Variants in LMBR1L observed in about 807,000 individuals in gnomAD.
LMBR1L encodes the protein protein LMBR1L.
Under a neutral mutation model 67.3 loss-of-function variants are expected in LMBR1L, and 47 were observed. The ratio of observed to expected loss-of-function variants is 0.70; its 90% CI spans 0.55 to 0.89. The LOEUF (loss-of-function observed/expected upper bound fraction) is 0.89. Among genes scored for constraint, LMBR1L ranks in the 40% least tolerant of loss-of-function variants. The pLI is 0.00. For missense variants in LMBR1L, 533 were observed against 599.2 expected, an observed-to-expected ratio of 0.89 and a Z score of 1.15; for synonymous variants, 247 against 250.3, an observed-to-expected ratio of 0.99 and a Z score of 0.13.
Position 49,110,820 on chromosome 12 carries a change from T to C in LMBR1L, c.-265A>G, listed in dbSNP as rs573303452. The C allele has an allele frequency of 1.8e-5, 9 of 490,138 alleles. No individual in the cohort carries two copies. Among genetic ancestry groups the C allele is most frequent in the East Asian group, 3.6e-5 (1 of 27,980 alleles). The allele number at this position is 490,138 out of a possible 1,614,324, so 30.4% of individuals were successfully genotyped here. A position where few individuals can be genotyped will look rare whatever the true frequency, so the allele number is the denominator to read the frequency against. On this transcript the variant is annotated 5_prime_UTR_variant, in exon 1 of 17. Transcript: ENST00000267102. ...AGGTCGGGTCGCGCTCACGTTTCAA[T>C]GCAAACACCCGCCACTAGGCTCGCT...
In LMBR1L at chr12:49,110,258, G is replaced by T. The variant is rs575546484; in HGVS notation, c.72+226C>A. 3 of 595,006 alleles carry T rather than the reference G, an allele frequency of 5.0e-6. No individual in the cohort carries two copies. In the South Asian group the frequency reaches 5.8e-5, roughly 12 times the overall value. 36.9% of individuals were successfully genotyped at this position (595,006 alleles called of 1,614,324 possible). On this transcript the variant is annotated intron_variant, in intron 1 of 16. Transcript: ENST00000267102. ...AGGGAGGGGCAGGGGAGGGGCGTGT[G>T]GGGGAGGAACGGAAACGACGGCCTT...
chr12:49,104,610 ACTGAC>A, intron 4 of LMBR1L, 59 bp from the exon 5 acceptor site: 1 of 1,566,314 alleles, frequency 6.4e-7, no homozygotes, highest in Non-Finnish European at 8.8e-7. Flanking sequence ...CCCACAGGAG[ACTGAC>A]CATTTGCAGG....
At position 49,101,464 on chromosome 12, in the gene LMBR1L, C is replaced by T. The variant is rs376798687; in HGVS notation, c.1008+8G>A. The T allele has an allele frequency of 3.6e-5, 58 of 1,613,546 alleles. No homozygotes were observed. Among genetic ancestry groups the T allele is most frequent in the Non-Finnish European group, 4.7e-5 (55 of 1,179,720 alleles). On this transcript the variant is annotated splice_region_variant and intron_variant, in intron 12 of 16. Coordinates refer to ENST00000267102, the MANE Select transcript of LMBR1L (RefSeq NM_018113.4). The stretch of plus-strand genomic sequence containing the variant: ...CCCAAAGGATATGGTGGGAGGGCAG[C>T]CTGGTACCTGCATGCCTCGGGGCAT...
In LMBR1L at chr12:49,104,900, G is replaced by A. The variant is rs754795680; in HGVS notation, c.192-15C>T. 8 of 1,605,378 alleles carry A rather than the reference G, an allele frequency of 5.0e-6. No homozygotes were observed. Among genetic ancestry groups the A allele is most frequent in the Non-Finnish European group, 6.8e-6 (8 of 1,176,686 alleles). On this transcript the variant is annotated splice_polypyrimidine_tract_variant and intron_variant, in intron 3 of 16. Transcript: ENST00000267102. ...ACAGCTCGAGCCTGGGCAGAGAAGG[G>A]GACAGTGTCCTTGCTTAGCTCAGCA...
intron 1 of LMBR1L, 127 bp downstream of exon 1, chr12:49,110,357 G>T (rs573543433): frequency 2.4e-6 from 2 of 842,262 alleles, no homozygotes; most frequent in Non-Finnish European, 4.0e-6. Flanking sequence ...CTGCCCGGAC[G>T]GAGGCCTCCG....
chr12:49,109,950 C>T (rs567900437), intron 1 of LMBR1L: 153 of 438,076 alleles, frequency 3.5e-4, no homozygotes, highest in Non-Finnish European at 2.3e-5. Context: ...TGTTCCTCAT[C>T]TCTACATATT....
intron 2 of LMBR1L, 55 bp from the exon 3 acceptor site, chr12:49,106,012 G>T: frequency 6.7e-7 from 1 of 1,491,594 alleles, no homozygotes; most frequent in Non-Finnish European, 9.3e-7. Flanking sequence ...GGGCAGCTCT[G>T]AGGCCGTTAG....
At chr12:49,103,855 C>A (rs1167954250) in intron 5 of LMBR1L, 42 bp from the exon 6 acceptor site, 1 of 1,579,160 alleles carries the variant, frequency 6.3e-7, no homozygotes, top group Non-Finnish European at 8.6e-7. Context: ...AACATCAGGG[C>A]AGTGTGGGAA....
chr12:49,107,096 C>A, intron 1 of LMBR1L, 51 bp from the exon 2 acceptor site: 2 of 1,260,750 alleles, frequency 1.6e-6, no homozygotes, highest in Non-Finnish European at 2.3e-6. Context: ...CAGCACACTC[C>A]ACAGCCCCAA....
At chr12:49,105,225 G>C (rs762728577) in intron 3 of LMBR1L, 3 of 283,648 alleles carry the variant, frequency 1.1e-5, no homozygotes, top group Non-Finnish European at 2.0e-5. Flanking sequence ...AGGGGACCTG[G>C]CTTCTCTTCT....
In LMBR1L at chr12:49,097,658, C is replaced by T. The variant is rs1301237098; in HGVS notation, c.*14G>A. On this transcript the variant is annotated 3_prime_UTR_variant, in exon 17 of 17. Transcript: ENST00000267102. ...GCAGTGTCCAGTTTTTTCCTTCCCA[C>T]CCCCAGCTGGAGGTCACTGGTGCTG... is the stretch of plus-strand genomic sequence containing the variant. The T allele has an allele frequency of 3.1e-6, 5 of 1,612,208 alleles. No homozygotes were observed. The highest frequency in any genetic ancestry group is 1.7e-5 in the Admixed American group (1 of 59,958).
intron 10 of LMBR1L, 48 bp downstream of exon 10, chr12:49,102,245 C>T: frequency 6.2e-7 from 1 of 1,613,390 alleles, no homozygotes; most frequent in Non-Finnish European, 8.5e-7. Flanking sequence ...CCAGGGGCTA[C>T]TCTCCTTGGG....
At position 49,105,183 on chromosome 12, in the gene LMBR1L, C is replaced by T. The variant is rs544874250; in HGVS notation, c.192-298G>A. On this transcript the variant is annotated intron_variant, in intron 3 of 16. Transcript: ENST00000267102. ...AGGAATGTGGTCCTCCCATACATGCCTATCAGTTATGCCAGGTATGATGCC... is the reference window on the plus strand; with the variant it reads ...AGGAATGTGGTCCTCCCATACATGCTTATCAGTTATGCCAGGTATGATGCC... The T allele has an allele frequency of 1.6e-5, 6 of 386,950 alleles. No homozygotes were observed. In the South Asian group the frequency reaches 1.8e-4, roughly 11 times the overall value. The allele number at this position is 386,950 out of a possible 1,614,324, so 24.0% of individuals were successfully genotyped here.
chr12:49,102,553 G>T lies in LMBR1L; in HGVS notation c.697-13C>A, dbSNP rs1351799720. ...GGTCTTCCAGCAGCTAGGGGCAGGG[G>T]AAAGGAAGAGACTAACTGTCAGAGG... On this transcript the variant is annotated splice_polypyrimidine_tract_variant and intron_variant, in intron 8 of 16. Transcript: ENST00000267102. 1.9e-6 allele frequency: 3 copies of T among 1,613,416 alleles called. No individual in the cohort carries two copies. Among genetic ancestry groups the T allele is most frequent in the Non-Finnish European group, 2.5e-6 (3 of 1,179,626 alleles).
At chr12:49,103,839 A>T in intron 5 of LMBR1L, 26 bp from the exon 6 acceptor site, 1 of 1,598,324 alleles carries the variant, frequency 6.3e-7, no homozygotes, top group Non-Finnish European at 8.5e-7. Flanking sequence ...ACCAGTGAAG[A>T]AGGTTAACAT....
intron 1 of LMBR1L, among the ~76,000 whole-genome samples, chr12:49,108,772 C>T (rs1941221777): frequency 6.6e-6 from 1 of 151,966 alleles, no homozygotes; most frequent in Admixed American, 6.6e-5. Flanking sequence ...ACCAGAGAGT[C>T]TCAAGAAGAG....
At chr12:49,108,851 G>C (rs1483037043) in intron 1 of LMBR1L, among the ~76,000 whole-genome samples, 1 of 152,126 alleles carries the variant, frequency 6.6e-6, no homozygotes, top group Admixed American at 6.6e-5. Flanking sequence ...CTCCAGAAAG[G>C]GCTGACCCCA....
Position 49,102,347 on chromosome 12 carries a change from T to A in LMBR1L, c.799A>T (p.Met267Leu). Reference protein sequence around the residue: ...NPTSCWLPLDMELLHRQVLAL... With the variant: ...NPTSCWLPLDLELLHRQVLAL... ...AGGACCTGTCTGTGTAGCAGCTCCA[T>A]GTCTAAAGGCAGCCAGCAGGAAGTA... is the stretch of plus-strand genomic sequence containing the variant. Residue 267 changes from methionine to leucine, a missense_variant, in exon 10 of 17, where the codon ATG (methionine) becomes TTG (leucine). Around this residue, in one of 3 missense-constraint regions of LMBR1L, gnomAD observed 64 missense variants for 109.0 expected, o/e 0.59. Coordinates refer to ENST00000267102, the MANE Select transcript of LMBR1L (RefSeq NM_018113.4). The A allele has an allele frequency of 6.2e-7, 1 of 1,614,172 alleles. No homozygotes were observed.
In LMBR1L at chr12:49,110,529, T is replaced by C. The variant is rs746866093; in HGVS notation, c.27A>G (p.Leu9=). The C allele has an allele frequency of 3.1e-6, 5 of 1,614,054 alleles. No individual in the cohort carries two copies. Among genetic ancestry groups the C allele is most frequent in the Admixed American group, 3.3e-5 (2 of 60,020 alleles). MEAPDYEV[L]SVREQLFHER... ...CGTGGAATAGCTGTTCTCGCACGGA[T>C]AGCACTTCGTAGTCAGGTGCTTCCA... Residue 9 remains leucine (L), a synonymous_variant, in exon 1 of 17, where the codon CTA becomes CTG. Coordinates refer to ENST00000267102, the MANE Select transcript of LMBR1L (RefSeq NM_018113.4).
Sources: gnomAD v4.1 joint callset for allele counts (sites outside exome capture counted in the v4.1 genomes callset) on GRCh38, gnomAD v4.1.1 for gene constraint, gnomAD v4.1.1 regional missense constraint, MANE v1.5 for transcripts, NCBI Gene and HGNC (gene_info 2026-07-23, HGNC 2026-07-21) for gene names.